The following VPS8 variants were observed in gnomAD, a reference collection of about 807,000 sequenced individuals.
VPS8 encodes the protein VPS8 subunit of CORVET complex.
VPS8 carries 129 observed loss-of-function variants against 216.4 expected under a neutral mutation model. The observed-to-expected ratio is 0.60, with a 90% confidence interval of 0.52 to 0.69. The LOEUF (loss-of-function observed/expected upper bound fraction) is 0.69. Among genes scored for constraint, VPS8 ranks in the 30% least tolerant of loss-of-function variants. The pLI, the probability that VPS8 is intolerant of heterozygous loss-of-function variation, is 0.00. For missense variants in VPS8, 1,531 were observed against 1,683.5 expected, an observed-to-expected ratio of 0.91 and a Z score of 1.59; for synonymous variants, 571 against 565.4, an observed-to-expected ratio of 1.01 and a Z score of -0.14.
chr3:184,826,107 A>G (rs1718710429), intron 2 of VPS8, 56 bp from the exon 3 acceptor site: 1 of 1,310,590 alleles, frequency 7.6e-7, no homozygotes, highest in Non-Finnish European at 1.1e-6. Context: ...AAAACCCCTC[A>G]CAATTATAAG....
At chr3:184,880,350 T>C (rs1730061304) in intron 21 of VPS8, among the ~76,000 whole-genome samples, 1 of 152,116 alleles carries the variant, frequency 6.6e-6, no homozygotes, top group Non-Finnish European at 1.5e-5. Flanking sequence ...TGATACCCAG[T>C]AGTCTGTTCC....
At chr3:185,034,594 T>A (rs974583635) in intron 46 of VPS8, among the ~76,000 whole-genome samples, 10 of 148,640 alleles carry the variant, frequency 6.7e-5, no homozygotes, top group Admixed American at 2.7e-4. Context: ...ATTGTCTGTT[T>A]GCTTCGTTGA....
At chr3:184,850,114 CA>C in intron 10 of VPS8, 92 bp downstream of exon 10, 2 of 1,005,060 alleles carry the variant, frequency 2.0e-6, no homozygotes, top group Non-Finnish European at 2.9e-6. Context: ...GATCAGAGTC[CA>C]AAAAATGTAT....
At chr3:184,914,508 C>T (rs951775489) in intron 26 of VPS8, among the ~76,000 whole-genome samples, 1 of 152,130 alleles carries the variant, frequency 6.6e-6, no homozygotes, top group African/African-American at 2.4e-5. Context: ...TAATTCTCCC[C>T]GGTTTGTCCT....
chr3:184,996,411 G>A lies in VPS8; in HGVS notation c.3746G>A (p.Arg1249Lys). ...SLCNLRASVTRGLNPKQDYCS... is the reference protein window; with the variant it reads ...SLCNLRASVTKGLNPKQDYCS... ...TGTAACCTGAGAGCTTCGGTCACCA[G>A]AGGACTGAATCCCAAACAAGATTAC... Residue 1249 changes from arginine (R) to lysine (K), a missense_variant, in exon 44 of 48, where the codon AGA (arginine) becomes AAA (lysine). Transcript: ENST00000625842. The A allele has an allele frequency of 6.2e-7, 1 of 1,613,938 alleles. No homozygotes were observed.
At chr3:184,878,745 T>G (rs1729735258) in intron 21 of VPS8, among the ~76,000 whole-genome samples, 1 of 152,186 alleles carries the variant, frequency 6.6e-6, no homozygotes, top group Admixed American at 6.5e-5. Context: ...TTTATCATCA[T>G]ACCTGAAAGA....
chr3:184,921,993 T>G (rs1738714336), intron 29 of VPS8, among the ~76,000 whole-genome samples: 1 of 152,216 alleles, frequency 6.6e-6, no homozygotes, highest in Non-Finnish European at 1.5e-5. Context: ...TGACTAGGTC[T>G]CTATAACTGG....
At chr3:184,877,688 G>C (rs1398329178) in intron 21 of VPS8, among the ~76,000 whole-genome samples, 1 of 152,186 alleles carries the variant, frequency 6.6e-6, no homozygotes, top group African/African-American at 2.4e-5. Context: ...CACCCAGGCT[G>C]CCTGGCTCAG....
At position 184,995,815 on chromosome 3, in the gene VPS8, A is replaced by T. The variant is rs539437656; in HGVS notation, c.3667-517A>T. The stretch of plus-strand genomic sequence containing the variant: ...TGACTTCTAAGTGCTGATCAGGAAA[A>T]TGTGATCTCTCTGCCCAAGGAAGAT... On this transcript the variant is annotated intron_variant, in intron 43 of 47. Coordinates refer to ENST00000625842, the MANE Select transcript of VPS8 (RefSeq NM_001009921.3). Among the ~76,000 whole-genome samples the T allele has an allele frequency of 2.6e-5, 4 of 152,328 alleles. No homozygotes were observed. The East Asian group carries it at 7.7e-4, about 29-fold the overall frequency.
chr3:185,051,113 G>A (rs545743994), intron 47 of VPS8, among the ~76,000 whole-genome samples: 56 of 152,172 alleles, frequency 3.7e-4, no homozygotes, highest in South Asian at 8.3e-4. Flanking sequence ...CCCTACTTTC[G>A]CAGAAAGCCT....
chr3:184,906,995 G>A (rs1735619374), intron 25 of VPS8, among the ~76,000 whole-genome samples: 1 of 152,160 alleles, frequency 6.6e-6, no homozygotes, highest in Non-Finnish European at 1.5e-5. Flanking sequence ...GTCTCAGTCT[G>A]TTTAGAAAGT....
intron 29 of VPS8, among the ~76,000 whole-genome samples, chr3:184,921,214 G>T (rs1332395547): frequency 1.3e-5 from 2 of 152,176 alleles, no homozygotes; most frequent in African/African-American, 4.8e-5. Context: ...GTTTAATTGT[G>T]ATGGGAATTA....
intron 24 of VPS8, among the ~76,000 whole-genome samples, chr3:184,900,097 TC>T (rs1734212978): frequency 6.6e-6 from 1 of 152,226 alleles, no homozygotes; most frequent in Admixed American, 6.5e-5. Context: ...CTGAAATCTT[TC>T]CTTTTTTCTA....
At chr3:184,869,290 C>G (rs563636193) in intron 19 of VPS8, among the ~76,000 whole-genome samples, 192 bp from the exon 20 acceptor site, 1 of 152,264 alleles carries the variant, frequency 6.6e-6, no homozygotes, top group East Asian at 1.9e-4. Flanking sequence ...AAGAGAAGTA[C>G]ATTGATATGC....
At chr3:184,928,662 G>T in intron 32 of VPS8, 129 bp downstream of exon 32, 1 of 747,540 alleles carries the variant, frequency 1.3e-6, no homozygotes, top group Non-Finnish European at 1.8e-6. Flanking sequence ...ATAACAAAAA[G>T]CTAAGGGTGA....
At chr3:185,017,509 G>C (rs1755975252) in intron 45 of VPS8, among the ~76,000 whole-genome samples, 2 of 152,250 alleles carry the variant, frequency 1.3e-5, no homozygotes, top group South Asian at 2.1e-4. Flanking sequence ...GCCATACACT[G>C]TCCTGGCTCT....
chr3:184,904,994 C>T (rs1735227060), intron 25 of VPS8, among the ~76,000 whole-genome samples: 1 of 152,198 alleles, frequency 6.6e-6, no homozygotes, highest in African/African-American at 2.4e-5. Flanking sequence ...CCTAGTGTCT[C>T]ATGAAGGCCT....
intron 46 of VPS8, among the ~76,000 whole-genome samples, chr3:185,034,952 C>A (rs925424231): frequency 6.6e-6 from 1 of 152,010 alleles, no homozygotes; most frequent in Non-Finnish European, 1.5e-5. Flanking sequence ...AAAGACTTTC[C>A]GAACATCAGG....
At chr3:184,843,121 G>A in intron 7 of VPS8, 119 bp from the exon 8 acceptor site, 1 of 628,162 alleles carries the variant, frequency 1.6e-6, no homozygotes, top group Non-Finnish European at 2.4e-6. Context: ...CATTCCCACA[G>A]ATAACTAAAG....
Sources: allele counts gnomAD v4.1 joint callset (sites outside exome capture counted in the v4.1 genomes callset), GRCh38; gene constraint gnomAD v4.1.1; transcripts MANE v1.5; gene names NCBI Gene and HGNC (gene_info 2026-07-23, HGNC 2026-07-21).